The following SSUH2 variants were observed in gnomAD, a reference collection of about 807,000 sequenced individuals.
SSUH2 encodes the protein ssu-2 homolog.
A neutral mutation model predicts 55.3 loss-of-function variants in SSUH2; 47 were observed. The ratio of observed to expected loss-of-function variants is 0.85; its 90% CI spans 0.67 to 1.08. SSUH2 has a LOEUF of 1.08. SSUH2 is among the 50% of genes least tolerant of loss of function. The pLI is 0.00. For synonymous variants in SSUH2, 212 were observed against 191.5 expected (o/e 1.11, Z -0.89); for missense variants, 535 against 490.7 (o/e 1.09, Z -0.85).
At chr3:8,654,644 T>G (rs1360260275) in intron 7 of SSUH2, among the ~76,000 whole-genome samples, 1 of 152,202 alleles carries the variant, frequency 6.6e-6, no homozygotes, top group African/African-American at 2.4e-5. Flanking sequence ...AGGGAAAATA[T>G]AAATATCTCA....
Position 8,632,084 on chromosome 3 carries a change from G to C in SSUH2, c.365C>G (p.Ser122Cys), listed in dbSNP as rs759676557. Residue 122 changes from serine to cysteine, a missense_variant, in exon 5 of 12, where the codon TCC (serine) becomes TGC (cysteine). By Grantham distance (112) the Ser-to-Cys change is moderately radical. Transcript: ENST00000544814. ...TTGAAATGTCCACTCGCTTATCCTG[G>C]ATTCACTAAAGGTCTCCAGACGGTA... ...CRYRLETFSESRISEWTFQPF... is the reference protein window; with the variant it reads ...CRYRLETFSECRISEWTFQPF... The C allele has an allele frequency of 1.9e-6, 3 of 1,613,866 alleles. No homozygotes were observed. Among genetic ancestry groups the C allele is most frequent in the Non-Finnish European group, 2.5e-6 (3 of 1,179,980 alleles).
intron 3 of SSUH2, 57 bp from the exon 4 acceptor site, chr3:8,633,852 C>T (rs370665019): frequency 1.6e-5 from 26 of 1,613,196 alleles, no homozygotes; most frequent in Non-Finnish European, 1.7e-5. Context: ...TGGACTCACG[C>T]GGGCCAGCCA....
chr3:8,630,460 T>G (rs1575104171), intron 6 of SSUH2, among the ~76,000 whole-genome samples: 1 of 152,218 alleles, frequency 6.6e-6, no homozygotes, highest in East Asian at 1.9e-4. Context: ...TTATATCAAT[T>G]TCATTCAGCC....
At chr3:8,628,842 G>A (rs144965498) in intron 7 of SSUH2, among the ~76,000 whole-genome samples, 4 of 152,206 alleles carry the variant, frequency 2.6e-5, no homozygotes, top group East Asian at 3.9e-4. Context: ...TAGGTGTCTG[G>A]TTTGTTGCTG....
At chr3:8,621,455 C>G (rs1364484048) in intron 11 of SSUH2, among the ~76,000 whole-genome samples, 1 of 152,142 alleles carries the variant, frequency 6.6e-6, no homozygotes, top group Non-Finnish European at 1.5e-5. Context: ...CCCTGGAGAT[C>G]TGGGCAGTGG....
intron 5 of SSUH2, chr3:8,664,061 GT>G (rs1703749886): frequency 3.0e-6 from 1 of 330,766 alleles, no homozygotes; most frequent in Non-Finnish European, 6.0e-6. Flanking sequence ...GCTGACCCAG[GT>G]GCCCTGCCAA....
intron 5 of SSUH2, among the ~76,000 whole-genome samples, chr3:8,631,495 G>C (rs912212860): frequency 6.6e-5 from 10 of 152,166 alleles, no homozygotes; most frequent in African/African-American, 9.6e-5. Flanking sequence ...GGCCCATCCT[G>C]CTGGGAGGGG....
chr3:8,641,565 T>A (rs1369447837), intron 1 of SSUH2, among the ~76,000 whole-genome samples: 5 of 152,184 alleles, frequency 3.3e-5, no homozygotes, highest in African/African-American at 1.2e-4. Flanking sequence ...CTCCCCAAAG[T>A]AGATGCTGTA....
chr3:8,652,863 C>T (rs1395239999), intron 7 of SSUH2, among the ~76,000 whole-genome samples: 2 of 152,174 alleles, frequency 1.3e-5, no homozygotes, highest in African/African-American at 4.8e-5. Flanking sequence ...TGTCTTCAGG[C>T]CACTCTCCAC....
chr3:8,633,584 A>G (rs984894514), intron 4 of SSUH2, 82 bp downstream of exon 4: 4 of 1,214,868 alleles, frequency 3.3e-6, no homozygotes, highest in Non-Finnish European at 4.5e-6. Context: ...TGGCCACATC[A>G]CACAAACAGG....
At chr3:8,653,458 T>C (rs1005875047) in intron 7 of SSUH2, among the ~76,000 whole-genome samples, 20 of 152,260 alleles carry the variant, frequency 1.3e-4, no homozygotes, top group African/African-American at 3.9e-4. Context: ...AATGAAATCA[T>C]GCTGTAAATA....
At chr3:8,640,473 C>T (rs895010596) in intron 1 of SSUH2, among the ~76,000 whole-genome samples, 2 of 152,178 alleles carry the variant, frequency 1.3e-5, no homozygotes, top group East Asian at 1.9e-4. Context: ...AAGGTCCCTA[C>T]ATTAGATGCC....
chr3:8,661,925 C>T (rs140585604), intron 6 of SSUH2, among the ~76,000 whole-genome samples: 148 of 152,250 alleles, frequency 9.7e-4, no homozygotes, highest in African/African-American at 3.3e-3. Flanking sequence ...GTGGATAAGT[C>T]TCATGAAATC....
chr3:8,635,224 G>C, intron 3 of SSUH2, 76 bp downstream of exon 3: 1 of 1,291,756 alleles, frequency 7.7e-7, no homozygotes, highest in Non-Finnish European at 1.1e-6. Context: ...CTGATGCACT[G>C]CCAGGGCTGA....
chr3:8,623,644 C>T lies in SSUH2; in HGVS notation c.886G>A (p.Val296Met), dbSNP rs1283655234. The T allele has an allele frequency of 5.9e-6, 9 of 1,524,580 alleles. No individual in the cohort carries two copies. Among genetic ancestry groups the T allele is most frequent in the East Asian group, 2.5e-5 (1 of 40,214 alleles). The allele number at this position is 1,524,580 out of a possible 1,614,324, so 94.4% of individuals were successfully genotyped here. Residue 296 changes from valine (V) to methionine (M), a missense_variant, in exon 11 of 12, where the codon GTG (valine) becomes ATG (methionine). Coordinates refer to ENST00000544814, the MANE Select transcript of SSUH2 (RefSeq NM_001256748.3). ...KDENSVVYPI[V>M]DFPLRDISLA... ...GAGATGTCTCGCAGAGGGAAGTCCA[C>T]GATGGGGTACACCTGGGGGAAAGAG...
intron 1 of SSUH2, among the ~76,000 whole-genome samples, chr3:8,636,989 C>T (rs796983245): frequency 4.7e-4 from 72 of 152,300 alleles, no homozygotes; most frequent in African/African-American, 1.5e-3. Context: ...AGACAGTCCC[C>T]AACTTAGGAT....
intron 1 of SSUH2, among the ~76,000 whole-genome samples, chr3:8,681,410 C>G (rs923122033): frequency 6.8e-6 from 1 of 147,680 alleles, no homozygotes; most frequent in African/African-American, 2.5e-5. Context: ...TGGGGAGGCA[C>G]CCCCGGCGAG....
chr3:8,635,562 C>T (rs1008671215), intron 2 of SSUH2, among the ~76,000 whole-genome samples, 181 bp from the exon 3 acceptor site: 5 of 152,364 alleles, frequency 3.3e-5, no homozygotes, highest in East Asian at 1.9e-4. Flanking sequence ...TGGGACCTGT[C>T]GCAGTCATGG....
In SSUH2 at chr3:8,619,493, G is replaced by T. The variant is rs1214178960; in HGVS notation, c.*375C>A. 2 of 196,842 alleles carry T rather than the reference G, an allele frequency of 1.0e-5. No individual in the cohort carries two copies. The highest frequency in any genetic ancestry group is 2.0e-5 in the Non-Finnish European group (2 of 97,826). 12.2% of individuals were successfully genotyped at this position (196,842 alleles called of 1,614,324 possible). A position where few individuals can be genotyped will look rare whatever the true frequency, so the allele number is the denominator to read the frequency against. On this transcript the variant is annotated 3_prime_UTR_variant, in exon 12 of 12. Transcript: ENST00000544814. ...ATTTCAGTAATACTCAGATCGTCAA[G>T]AGGCTCCCACTAGAAGAAGCACACC...
Sources: gnomAD v4.1 joint callset for allele counts (sites outside exome capture counted in the v4.1 genomes callset) on GRCh38, gnomAD v4.1.1 for gene constraint, MANE v1.5 for transcripts, NCBI Gene and HGNC (gene_info 2026-07-23, HGNC 2026-07-21) for gene names.